Variants in TLN2 observed in about 807,000 individuals in gnomAD.
TLN2 encodes the protein talin 2.
TLN2 carries 118 observed loss-of-function variants against 294.7 expected under a neutral mutation model. That is an observed-to-expected ratio of 0.40 (90% CI 0.34 to 0.47). The LOEUF (loss-of-function observed/expected upper bound fraction) is 0.47, where lower values mean the gene tolerates loss of function less well. Ranked by LOEUF, TLN2 falls within the 20% of genes least tolerant of loss-of-function variation. The pLI is 0.84. For missense variants in TLN2, 3,083 were observed against 3,282.2 expected, an observed-to-expected ratio of 0.94 and a Z score of 1.48; for synonymous variants, 1,431 against 1,304.5, an observed-to-expected ratio of 1.10 and a Z score of -2.09.
rs1251113330 is a variant in TLN2 at position 62,838,991 on chromosome 15, T to TAAATC, written c.7500+13_7500+17dup. 6.2e-7 allele frequency: 1 copy of TAAATC among 1,613,694 alleles called. No homozygotes were observed. Among genetic ancestry groups the TAAATC allele is most frequent in the Admixed American group, 1.7e-5 (1 of 59,956 alleles). The stretch of plus-strand genomic sequence containing the variant: ...GGGGGGCATTGCTCAGGTTTGTAAT[T>TAAATC]AAATCAAGAATAGTATTTACTTCCC... On this transcript the variant is annotated intron_variant, in intron 58 of 58. Coordinates refer to ENST00000636159, the MANE Select transcript of TLN2 (RefSeq NM_015059.3).
At chr15:62,453,546 T>C (rs1275377990) in intron 1 of TLN2, 2 of 152,230 alleles carry the variant, frequency 1.3e-5, no homozygotes, top group African/African-American at 4.8e-5. Context: ...GTTTATGTTG[T>C]TGACTGATTG....
At chr15:62,738,986 C>G (rs1046656246) in intron 30 of TLN2, among the ~76,000 whole-genome samples, 7 of 152,290 alleles carry the variant, frequency 4.6e-5, no homozygotes, top group African/African-American at 1.2e-4. Flanking sequence ...TAAAACTTAG[C>G]TTTCATCTTA....
chr15:62,609,725 A>C (rs1474640154), intron 2 of TLN2, among the ~76,000 whole-genome samples: 1 of 152,096 alleles, frequency 6.6e-6, no homozygotes, highest in African/African-American at 2.4e-5. Flanking sequence ...CACTTGACGG[A>C]GGTTTGACTG....
chr15:62,436,810 A>G (rs547046513), intron 1 of TLN2, among the ~76,000 whole-genome samples: 1 of 152,292 alleles, frequency 6.6e-6, no homozygotes, highest in Admixed American at 6.5e-5. Flanking sequence ...TGCAGCCTCG[A>G]ATTTCTGGAT....
At chr15:62,616,797 T>C (rs1236166144) in intron 2 of TLN2, among the ~76,000 whole-genome samples, 2 of 152,198 alleles carry the variant, frequency 1.3e-5, no homozygotes, top group African/African-American at 4.8e-5. Flanking sequence ...TAAAAAAGTG[T>C]TTTTGCTACT....
chr15:62,674,120 A>G (rs1230972732), intron 10 of TLN2, among the ~76,000 whole-genome samples: 1 of 152,218 alleles, frequency 6.6e-6, no homozygotes, highest in Non-Finnish European at 1.5e-5. Flanking sequence ...AAAAATGTGC[A>G]TACATTTAAT....
intron 32 of TLN2, among the ~76,000 whole-genome samples, chr15:62,741,748 C>CGCGCGCGTGTGTGTGTGTGT: frequency 1.2e-3 from 156 of 131,138 alleles, no homozygotes; most frequent in Middle Eastern, 4.2e-3. Flanking sequence ...AAAATTTGCG[C>CGCGCGCGTGTGTGTGTGTGT]GTGTGTGTGT....
intron 11 of TLN2, among the ~76,000 whole-genome samples, chr15:62,681,411 C>T (rs944737044): frequency 1.3e-5 from 2 of 152,128 alleles, no homozygotes; most frequent in African/African-American, 4.8e-5. Context: ...TACTCAAACC[C>T]CACAGCCTTG....
At chr15:62,588,223 A>G (rs963285049) in intron 1 of TLN2, among the ~76,000 whole-genome samples, 2 of 152,062 alleles carry the variant, frequency 1.3e-5, no homozygotes, top group African/African-American at 4.8e-5. Flanking sequence ...CTATCTTTTC[A>G]TATGTTTCTT....
rs1263569433 is a variant in TLN2, at chr15:62,825,772, A to ATAT, written c.7002+5163_7002+5165dup. Among the ~76,000 whole-genome samples, 2 of 33,326 alleles carry ATAT rather than the reference A, an allele frequency of 6.0e-5. 1 individual carries two copies. The highest frequency in any genetic ancestry group is 2.0e-4 in the African/African-American group (2 of 9,806). 21.9% of individuals were successfully genotyped at this position (33,326 alleles called of 152,430 possible). A position where few individuals can be genotyped will look rare whatever the true frequency, so the allele number is the denominator to read the frequency against. On this transcript the variant is annotated intron_variant, in intron 54 of 58. Transcript: ENST00000636159. ...TTAAATATAATTATAATTATATATT[A>ATAT]TATAATATATTATATATTATAATAT...
At chr15:62,839,744 C>T (rs1045217973) in intron 58 of TLN2, among the ~76,000 whole-genome samples, 5 of 152,224 alleles carry the variant, frequency 3.3e-5, no homozygotes, top group African/African-American at 1.2e-4. Context: ...TTTGGCTATG[C>T]ACTGCATGTA....
intron 42 of TLN2, 97 bp from the exon 43 acceptor site, chr15:62,776,667 G>A (rs2063739215): frequency 8.6e-7 from 1 of 1,162,928 alleles, no homozygotes; most frequent in Admixed American, 4.0e-5. Flanking sequence ...CTCCATTGTG[G>A]GGGTATGGTT....
intron 13 of TLN2, among the ~76,000 whole-genome samples, chr15:62,694,091 C>T (rs765678528): frequency 3.3e-5 from 5 of 151,262 alleles, no homozygotes; most frequent in South Asian, 4.2e-4. Flanking sequence ...CCTCAGCTTC[C>T]GGTGTAGCTG....
Position 62,516,703 on chromosome 15 carries a change from T to C in TLN2, c.-237-72984T>C, listed in dbSNP as rs114383964. Among the ~76,000 whole-genome samples the C allele has an allele frequency of 4.0e-3, 604 of 152,316 alleles. 5 individuals carry two copies. The highest frequency in any genetic ancestry group is 0.014 in the African/African-American group (583 of 41,574). Reference sequence around the variant, plus strand: ...ATCAGTCTCTGCCCACCCAGCTTAATTGGACAGAAGCTCTAGGGGGCAGGT... The same window carrying C: ...ATCAGTCTCTGCCCACCCAGCTTAACTGGACAGAAGCTCTAGGGGGCAGGT... On this transcript the variant is annotated intron_variant, in intron 1 of 58. Transcript: ENST00000636159.
At chr15:62,620,603 C>G (rs2048716222) in intron 3 of TLN2, among the ~76,000 whole-genome samples, 1 of 151,772 alleles carries the variant, frequency 6.6e-6, no homozygotes, top group African/African-American at 2.4e-5. Flanking sequence ...CTCAGCCTCC[C>G]TAATAGCGGG....
chr15:62,561,628 C>T (rs1049741420), intron 1 of TLN2: 1 of 152,250 alleles, frequency 6.6e-6, no homozygotes, highest in African/African-American at 2.4e-5. Context: ...ATGAGCCAAG[C>T]GCTTTCTATG....
intron 28 of TLN2, among the ~76,000 whole-genome samples, chr15:62,731,255 G>C (rs1217448775): frequency 6.6e-6 from 1 of 151,088 alleles, no homozygotes; most frequent in Non-Finnish European, 1.5e-5. Flanking sequence ...TATCTGGATA[G>C]CCTGTAGCCT....
At chr15:62,664,857 C>CAAAAAAAAAAAAAAAAAAAAAAA (rs10634187) in intron 9 of TLN2, among the ~76,000 whole-genome samples, 12 of 29,230 alleles carry the variant, frequency 4.1e-4, no homozygotes, top group African/African-American at 1.5e-3. Context: ...GAAACTGTCT[C>CAAAAAAAAAAAAAAAAAAAAAAA]AAAAAAAAAA....
At position 62,686,721 on chromosome 15, in the gene TLN2, G is replaced by T. The variant is rs775909178; in HGVS notation, c.1038G>T (p.Lys346Asn). 10 of 1,614,012 alleles carry T rather than the reference G, an allele frequency of 6.2e-6. No homozygotes were observed. The South Asian group carries it at 6.6e-5, about 11-fold the overall frequency. The stretch of plus-strand genomic sequence containing the variant: ...ACTCGGTGATGCGCGTGGATGAGAA[G>T]ACCAAGGAAGTGCTGCAGGAGTGGC... ...TKDSVMRVDE[K>N]TKEVLQEWPL... Residue 346 changes from lysine to asparagine, a missense_variant, in exon 12 of 59, where the codon AAG (lysine) becomes AAT (asparagine). Lys to Asn is a moderately conservative substitution (Grantham distance 94). Transcript: ENST00000636159.
Sources: allele counts gnomAD v4.1 joint callset (sites outside exome capture counted in the v4.1 genomes callset), GRCh38; gene constraint gnomAD v4.1.1; transcripts MANE v1.5; gene names NCBI Gene and HGNC (gene_info 2026-07-23, HGNC 2026-07-21).